SLC6A13: variants seen among roughly 807,000 people sequenced by gnomAD.
SLC6A13 encodes the protein sodium- and chloride-dependent GABA transporter 2.
Under a neutral mutation model 72.9 loss-of-function variants are expected in SLC6A13, and 69 were observed. The ratio of observed to expected loss-of-function variants is 0.95; its 90% CI spans 0.78 to 1.16. The LOEUF (loss-of-function observed/expected upper bound fraction) is 1.16, where lower values mean the gene tolerates loss of function less well. SLC6A13 is among the 50% of genes most tolerant of loss of function. SLC6A13 has a pLI of 0.00. For synonymous variants in SLC6A13, 303 were observed against 303.0 expected (o/e 1.00, Z 0.00); for missense variants, 735 against 760.5 (o/e 0.97, Z 0.39).
intron 4 of SLC6A13, among the ~76,000 whole-genome samples, chr12:239,589 T>C (rs78005127): frequency 0.011 from 1,624 of 152,374 alleles, 15 homozygotes; most frequent in Non-Finnish European, 0.018. Context: ...TAACACGACA[T>C]GTGCTGCTGC....
intron 8 of SLC6A13, 58 bp downstream of exon 8, chr12:227,507 G>T (rs1269746167): frequency 6.2e-7 from 1 of 1,608,672 alleles, no homozygotes; most frequent in Non-Finnish European, 8.5e-7. Context: ...GTCTAGCGTG[G>T]CTGGAAGGAC....
chr12:223,709 G>T, intron 11 of SLC6A13: 1 of 406,390 alleles, frequency 2.5e-6, no homozygotes, highest in Non-Finnish European at 4.5e-6. Flanking sequence ...AGATCTTGCT[G>T]GAGAGTCAGC....
At chr12:224,544 G>C (rs757036807) in intron 9 of SLC6A13, 31 bp from the exon 10 acceptor site, 175 of 1,576,674 alleles carry the variant, frequency 1.1e-4, no homozygotes, top group Non-Finnish European at 1.5e-4. Flanking sequence ...ACACGGGCCA[G>C]TGCCCGGGCC....
chr12:221,161 C>A (rs543393448), intron 14 of SLC6A13, 91 bp from the exon 15 acceptor site: 2 of 1,471,602 alleles, frequency 1.4e-6, no homozygotes, highest in East Asian at 2.4e-5. Flanking sequence ...CCTCCCCACA[C>A]ACAAACCTGC....
chr12:257,736 CA>C (rs1205780863), intron 2 of SLC6A13, among the ~76,000 whole-genome samples: 1 of 152,124 alleles, frequency 6.6e-6, no homozygotes, highest in Non-Finnish European at 1.5e-5. Context: ...CATTGCCAGA[CA>C]AAGGACCGGG....
intron 2 of SLC6A13, chr12:256,660 A>T: frequency 6.6e-6 from 1 of 152,212 alleles, no homozygotes; most frequent in Non-Finnish European, 1.5e-5. Flanking sequence ...ACCAAAGAAG[A>T]TGTCACTTAC....
In SLC6A13 at chr12:223,981, C is replaced by A. The variant is rs1372867871; in HGVS notation, c.1311+11G>T. On this transcript the variant is annotated intron_variant, in intron 11 of 14. Coordinates refer to ENST00000343164, the MANE Select transcript of SLC6A13 (RefSeq NM_016615.5). ...TCCTCCCCAGCCTTCCCCCGCTTCC[C>A]AGGCCCTCACCTCTGTGAGCATGAT... 6.2e-7 allele frequency: 1 copy of A among 1,610,598 alleles called. No homozygotes were observed. Among genetic ancestry groups the A allele is most frequent in the Non-Finnish European group, 8.5e-7 (1 of 1,178,228 alleles).
At chr12:257,261 G>C (rs1942776399) in intron 2 of SLC6A13, 2 of 151,906 alleles carry the variant, frequency 1.3e-5, no homozygotes. Flanking sequence ...TCCTTGATCA[G>C]CCCGCTTACC....
At chr12:238,076 G>T in intron 4 of SLC6A13, 66 bp from the exon 5 acceptor site, 1 of 1,582,626 alleles carries the variant, frequency 6.3e-7, no homozygotes, top group Non-Finnish European at 8.7e-7. Flanking sequence ...CACAACTGGA[G>T]AGTGGGGTGA....
Position 223,231 on chromosome 12 carries a change from C to T in SLC6A13, c.1315G>A (p.Gly439Arg), listed in dbSNP as rs147044076. The change falls in exon 12 of 15, where the codon GGA (glycine) becomes AGA (arginine). Residue 439 changes from glycine to arginine, a missense_variant. Transcript: ENST00000343164. ...LVGLIMLTEG[G>R]MYVFQLFDYY... Reference sequence around the variant, plus strand: ...TCAAAGAGCTGGAACACGTACATTCCGCCCTGCATGGGAGGAGATTATTTT... The same window carrying T: ...TCAAAGAGCTGGAACACGTACATTCTGCCCTGCATGGGAGGAGATTATTTT... The T allele has an allele frequency of 5.4e-5, 86 of 1,603,592 alleles. No homozygotes were observed. The highest frequency in any genetic ancestry group is 9.9e-5 in the South Asian group (9 of 90,534).
chr12:229,772 G>C (rs531909856), intron 7 of SLC6A13, among the ~76,000 whole-genome samples: 1 of 152,304 alleles, frequency 6.6e-6, no homozygotes, highest in East Asian at 1.9e-4. Flanking sequence ...GAAACACGCC[G>C]CGGCTGCCCA....
intron 7 of SLC6A13, among the ~76,000 whole-genome samples, chr12:234,665 G>A (rs1022800722): frequency 8.6e-5 from 13 of 151,948 alleles, no homozygotes; most frequent in Admixed American, 3.3e-4. Context: ...CTACAGGTGC[G>A]TGCCACTACA....
Position 224,383 on chromosome 12 carries a change from G to A in SLC6A13, c.1173+18C>T. 3 of 1,601,150 alleles carry A rather than the reference G, an allele frequency of 1.9e-6. No individual in the cohort carries two copies. Among genetic ancestry groups the A allele is most frequent in the Non-Finnish European group, 2.6e-6 (3 of 1,168,166 alleles). On this transcript the variant is annotated intron_variant, in intron 10 of 14. Coordinates refer to ENST00000343164, the MANE Select transcript of SLC6A13 (RefSeq NM_016615.5). ...CCCCCACTCATCTCTCAGCCTCTGA[G>A]TGGCTGCCTCTTGATACCTGGCTAT... is the stretch of plus-strand genomic sequence containing the variant.
At chr12:234,609 C>G (rs1315655596) in intron 7 of SLC6A13, among the ~76,000 whole-genome samples, 2 of 152,186 alleles carry the variant, frequency 1.3e-5, no homozygotes, top group African/African-American at 4.8e-5. Context: ...CCTTCGCCTC[C>G]TGGGTTCATG....
In SLC6A13 at chr12:226,639, C is replaced by T. The variant is rs2289955; in HGVS notation, c.936-125G>A. ...ACTGTCCTGGCCCCTTCACGGACGCCGGAGCAGGGCTACCTGGCAGAATTC... is the reference window on the plus strand; with the variant it reads ...ACTGTCCTGGCCCCTTCACGGACGCTGGAGCAGGGCTACCTGGCAGAATTC... On this transcript the variant is annotated intron_variant, in intron 8 of 14. Coordinates refer to ENST00000343164, the MANE Select transcript of SLC6A13 (RefSeq NM_016615.5). 144 of 1,213,256 alleles carry T rather than the reference C, an allele frequency of 1.2e-4. No homozygotes were observed. The East Asian group carries it at 2.6e-3, about 22-fold the overall frequency. 75.2% of individuals were successfully genotyped at this position (1,213,256 alleles called of 1,614,324 possible).
chr12:242,859 G>T, intron 3 of SLC6A13, 105 bp from the exon 4 acceptor site: 1 of 1,018,064 alleles, frequency 9.8e-7, no homozygotes, highest in East Asian at 2.8e-5. Context: ...GTCTGAGGCT[G>T]GGAGTTCAAT....
intron 7 of SLC6A13, among the ~76,000 whole-genome samples, chr12:231,353 CG>C (rs1202926358): frequency 2.0e-5 from 3 of 152,224 alleles, no homozygotes. Context: ...CAGAGAGATG[CG>C]TCTTTGGTCT....
intron 2 of SLC6A13, chr12:259,101 CA>C (rs1286580183): frequency 6.8e-6 from 1 of 147,132 alleles, no homozygotes; most frequent in Non-Finnish European, 1.5e-5. Context: ...GACCACAGAA[CA>C]GTTTGGTTAT....
intron 14 of SLC6A13, 139 bp downstream of exon 14, chr12:221,237 C>T (rs1403012302): frequency 1.6e-5 from 20 of 1,275,790 alleles, no homozygotes; most frequent in Non-Finnish European, 2.1e-5. Context: ...TCAGCAGCCA[C>T]TCTATCGCTC....
Sources: gnomAD v4.1 joint callset for allele counts (sites outside exome capture counted in the v4.1 genomes callset) on GRCh38, gnomAD v4.1.1 for gene constraint, MANE v1.5 for transcripts, NCBI Gene and HGNC (gene_info 2026-07-23, HGNC 2026-07-21) for gene names.